The following ARHGAP24 variants were observed in gnomAD, a reference collection of about 807,000 sequenced individuals.
The protein encoded by ARHGAP24 is rho GTPase-activating protein 24.
A neutral mutation model predicts 76.4 loss-of-function variants in ARHGAP24; 50 were observed. That is an observed-to-expected ratio of 0.65 (90% CI 0.52 to 0.83). ARHGAP24 has a LOEUF of 0.83. ARHGAP24 is among the 40% of genes least tolerant of loss of function. ARHGAP24 has a pLI of 0.00. For synonymous variants in ARHGAP24, 345 were observed against 323.3 expected (o/e 1.07, Z -0.72); for missense variants, 930 against 914.2 (o/e 1.02, Z -0.22).
intron 1 of ARHGAP24, among the ~76,000 whole-genome samples, chr4:85,495,329 C>T (rs954822987): frequency 1.4e-5 from 2 of 143,112 alleles, no homozygotes; most frequent in Admixed American, 7.1e-5. Flanking sequence ...CAAGTAAGTA[C>T]AGAAGTACAG....
At chr4:85,841,120 T>C (rs1474995229) in intron 3 of ARHGAP24, among the ~76,000 whole-genome samples, 1 of 152,244 alleles carries the variant, frequency 6.6e-6, no homozygotes, top group Non-Finnish European at 1.5e-5. Flanking sequence ...CAGTAGGCTA[T>C]TTCCATTTAG....
chr4:85,592,928 C>T (rs1273082780), intron 2 of ARHGAP24, among the ~76,000 whole-genome samples: 2 of 152,126 alleles, frequency 1.3e-5, no homozygotes, highest in South Asian at 4.1e-4. Flanking sequence ...CTATTGTGAA[C>T]AGTGCAATAA....
At chr4:85,639,834 T>G (rs1245862944) in intron 2 of ARHGAP24, among the ~76,000 whole-genome samples, 1 of 152,186 alleles carries the variant, frequency 6.6e-6, no homozygotes, top group Non-Finnish European at 1.5e-5. Context: ...AAGACTAGGC[T>G]AATATGCCAT....
chr4:85,816,533 A>T (rs1328752008), intron 3 of ARHGAP24, among the ~76,000 whole-genome samples: 1 of 152,192 alleles, frequency 6.6e-6, no homozygotes, highest in Non-Finnish European at 1.5e-5. Context: ...AGTTTCCTCA[A>T]GAAAGAAAAC....
chr4:85,569,343 C>T (rs146693853), intron 1 of ARHGAP24, among the ~76,000 whole-genome samples: 7 of 152,280 alleles, frequency 4.6e-5, no homozygotes, highest in Admixed American at 1.3e-4. Context: ...GAGGGCTTCC[C>T]AATTCCTGAA....
At chr4:85,934,016 A>T (rs1423642930) in intron 4 of ARHGAP24, among the ~76,000 whole-genome samples, 1 of 152,074 alleles carries the variant, frequency 6.6e-6, no homozygotes, top group African/African-American at 2.4e-5. Flanking sequence ...TTATTGCTCC[A>T]TGTATGCAAC....
intron 2 of ARHGAP24, among the ~76,000 whole-genome samples, chr4:85,678,701 A>G (rs1723089362): frequency 6.6e-6 from 1 of 152,196 alleles, no homozygotes; most frequent in African/African-American, 2.4e-5. Flanking sequence ...CTACATTTTT[A>G]TATAGCTCAT....
chr4:85,754,541 A>T (rs1362441760), intron 3 of ARHGAP24, among the ~76,000 whole-genome samples: 1 of 152,210 alleles, frequency 6.6e-6, no homozygotes, highest in East Asian at 1.9e-4. Context: ...ACAGATTGAA[A>T]TAGTCCTCAG....
rs184036882 is a variant in ARHGAP24 at position 85,554,824 on chromosome 4, T to C, written c.-20-15698T>C. 8.3e-3 allele frequency among the ~76,000 whole-genome samples: 987 copies of C among 119,270 alleles called. 13 individuals carry two copies. The highest frequency in any genetic ancestry group is 0.028 in the African/African-American group (942 of 33,296). 78.2% of individuals were successfully genotyped at this position (119,270 alleles called of 152,430 possible). On this transcript the variant is annotated intron_variant, in intron 1 of 9. Transcript: ENST00000395184. Reference sequence around the variant, plus strand: ...TAGCTGGGACTACAGGTGCCCGCTATCACGCCCAGCTGATTTTTTTTTTTT... The same window carrying C: ...TAGCTGGGACTACAGGTGCCCGCTACCACGCCCAGCTGATTTTTTTTTTTT...
At chr4:85,697,314 T>G (rs1290480006) in intron 2 of ARHGAP24, among the ~76,000 whole-genome samples, 1 of 152,192 alleles carries the variant, frequency 6.6e-6, no homozygotes, top group Non-Finnish European at 1.5e-5. Context: ...CATAGTTTGC[T>G]GAGAATGATG....
At chr4:85,544,438 T>C (rs1028871469) in intron 1 of ARHGAP24, among the ~76,000 whole-genome samples, 10 of 152,156 alleles carry the variant, frequency 6.6e-5, no homozygotes, top group African/African-American at 2.4e-4. Flanking sequence ...CTGTATAAGC[T>C]GATGGTCTAA....
intron 2 of ARHGAP24, among the ~76,000 whole-genome samples, chr4:85,679,038 G>GA (rs540792694): frequency 1.9e-4 from 29 of 152,260 alleles, no homozygotes; most frequent in African/African-American, 7.0e-4. Flanking sequence ...AGAACTCAAA[G>GA]AAAGGCAAGA....
intron 3 of ARHGAP24, chr4:85,722,385 C>CAAAAAAA (rs535753993): frequency 1.5e-5 from 2 of 135,472 alleles, no homozygotes; most frequent in African/African-American, 6.4e-5. Context: ...TTGCAAAAAA[C>CAAAAAAA]AAAAAAAAAA....
chr4:85,794,756 C>T (rs866766642), intron 3 of ARHGAP24, among the ~76,000 whole-genome samples: 1 of 152,230 alleles, frequency 6.6e-6, no homozygotes, highest in Admixed American at 6.5e-5. Context: ...GCTAGGATTA[C>T]AGGGGAGAGC....
chr4:85,738,816 G>A (rs980184819), intron 3 of ARHGAP24, among the ~76,000 whole-genome samples: 9 of 152,136 alleles, frequency 5.9e-5, no homozygotes, highest in Non-Finnish European at 1.3e-4. Context: ...CAGTATTTTT[G>A]TTCTCATTGG....
intron 3 of ARHGAP24, among the ~76,000 whole-genome samples, chr4:85,736,077 T>C (rs1425683575): frequency 1.3e-5 from 2 of 152,222 alleles, no homozygotes; most frequent in Non-Finnish European, 2.9e-5. Context: ...CTTTTTAGAA[T>C]GGCTCCTCCC....
chr4:85,615,511 C>G (rs1461381435), intron 2 of ARHGAP24, among the ~76,000 whole-genome samples: 5 of 152,164 alleles, frequency 3.3e-5, no homozygotes, highest in Non-Finnish European at 7.4e-5. Flanking sequence ...TGCTTCTCAA[C>G]TGGCTTATAC....
At chr4:86,000,442 C>CGGGGGGGGGGGGGGGGGGGGGG in intron 9 of ARHGAP24, 37 bp from the exon 10 acceptor site, 2 of 807,892 alleles carry the variant, frequency 2.5e-6, no homozygotes, top group Non-Finnish European at 1.9e-6. Flanking sequence ...CTTACTCTTG[C>CGGGGGGGGGGGGGGGGGGGGGG]GTCCCCACCC....
chr4:85,758,353 C>T (rs1726601212), intron 3 of ARHGAP24, among the ~76,000 whole-genome samples: 1 of 152,046 alleles, frequency 6.6e-6, no homozygotes, highest in Non-Finnish European at 1.5e-5. Flanking sequence ...GAGAGAAGGC[C>T]TAAAGACCAG....
Sources: gnomAD v4.1 joint callset for allele counts (sites outside exome capture counted in the v4.1 genomes callset) on GRCh38, gnomAD v4.1.1 for gene constraint, MANE v1.5 for transcripts, NCBI Gene and HGNC (gene_info 2026-07-23, HGNC 2026-07-21) for gene names.